The following LORICRIN variants were observed in gnomAD, a reference collection of about 807,000 sequenced individuals.
LORICRIN encodes loricrin cornified envelope precursor protein.
In LORICRIN, 5 loss-of-function variants were observed where a neutral mutation model predicts 3.3. The observed-to-expected ratio is 1.52, with a 90% CI of 0.79 to 3.19. The LOEUF is 3.19. Ranked by LOEUF, LORICRIN falls within the 30% of genes most tolerant of loss-of-function variation. The pLI is 0.00. For missense variants in LORICRIN, 524 were observed against 460.2 expected (o/e 1.14, Z -1.27); for synonymous variants, 237 against 231.4 (o/e 1.02, Z -0.22).
rs760833809 is a variant in LORICRIN at position 153,261,139 on chromosome 1, T to G, written c.190T>G (p.Cys64Gly). The change falls in exon 2 of 2, where the codon TGC becomes GGC. Residue 64 changes from cysteine to glycine, a missense_variant. By Grantham distance (159) the Cys-to-Gly change is radical (BLOSUM62 -3). Transcript: ENST00000368742. ...CGGCGGTGGCTACTCTGGCGGCGGC[T>G]GCGGCGGGGGCTCCTCCGGCGGCGG... ...SGGGGYSGGG[C>G]GGGSSGGGGG... 28 of 1,301,542 alleles carry G rather than the reference T, an allele frequency of 2.2e-5. 1 individual carries two copies. In the South Asian group the frequency reaches 5.5e-4, roughly 25 times the overall value. 80.6% of individuals were successfully genotyped at this position (1,301,542 alleles called of 1,614,324 possible).
chr1:153,262,094 C>A lies in LORICRIN; in HGVS notation c.*206C>A. On this transcript the variant is annotated 3_prime_UTR_variant, in exon 2 of 2. Transcript: ENST00000368742. ...TACAACTACCTCCCAACCCCAGTGC[C>A]TCAGTCAATAAATTTGCAAATTCAT... 1 of 635,888 alleles carries A rather than the reference C, an allele frequency of 1.6e-6. No individual in the cohort carries two copies. Among genetic ancestry groups the A allele is most frequent in the African/African-American group, 1.8e-5 (1 of 54,068 alleles). 39.4% of individuals were successfully genotyped at this position (635,888 alleles called of 1,614,324 possible). A position where few individuals can be genotyped will look rare whatever the true frequency, so the allele number is the denominator to read the frequency against.
At position 153,261,744 on chromosome 1, in the gene LORICRIN, C is replaced by A. The variant is rs776311035; in HGVS notation, c.795C>A (p.Ile265=). 1 of 1,591,770 alleles carries A rather than the reference C, an allele frequency of 6.3e-7. No individual in the cohort carries two copies. Among genetic ancestry groups the A allele is most frequent in the Admixed American group, 1.7e-5 (1 of 58,462 alleles). ...CCGGGATTGGCAGCGGCTGCATCATCAGTGGCGGGGGCTCCGTCTGCGGAG... is the reference window on the plus strand; with the variant it reads ...CCGGGATTGGCAGCGGCTGCATCATAAGTGGCGGGGGCTCCGTCTGCGGAG... ...GSSGIGSGCI[I]SGGGSVCGGG... Residue 265 remains isoleucine (I), a synonymous_variant, in exon 2 of 2, where the codon ATC becomes ATA. Transcript: ENST00000368742.
chr1:153,261,751 G>T lies in LORICRIN; in HGVS notation c.802G>T (p.Gly268Trp), dbSNP rs533207246. The change falls in exon 2 of 2, where the codon GGG becomes TGG. Residue 268 changes from glycine to tryptophan, a missense_variant. Physicochemically the swap from Gly to Trp is radical, Grantham distance 184. Transcript: ENST00000368742. ...GIGSGCIISG[G>W]GSVCGGGSSG... is the part of the protein sequence containing the mutation. ...TGGCAGCGGCTGCATCATCAGTGGC[G>T]GGGGCTCCGTCTGCGGAGGTGGTTC... is the stretch of plus-strand genomic sequence containing the variant. 7 of 1,575,714 alleles carry T rather than the reference G, an allele frequency of 4.4e-6. No individual in the cohort carries two copies. The South Asian group carries it at 5.7e-5, about 13-fold the overall frequency.
Position 153,261,962 on chromosome 1 carries a change from T to G in LORICRIN, c.*74T>G. 1.4e-6 allele frequency: 2 copies of G among 1,461,348 alleles called. No homozygotes were observed. Among genetic ancestry groups the G allele is most frequent in the Non-Finnish European group, 1.9e-6 (2 of 1,060,042 alleles). The allele number at this position is 1,461,348 out of a possible 1,614,324, so 90.5% of individuals were successfully genotyped here. ...GGCACCGATGGGCTTAGAGCTCTCA[T>G]GATGCTACCCGAGGTTTGCAAATCC... On this transcript the variant is annotated 3_prime_UTR_variant, in exon 2 of 2. Transcript: ENST00000368742.
chr1:153,261,447 C>CGGCGGCTCCTCCGGG lies in LORICRIN; in HGVS notation c.508_522dup (p.Ser170_Ser174dup), dbSNP rs1658786339. On this transcript the variant is annotated inframe_insertion, in exon 2 of 2. Transcript: ENST00000368742. ...GCCAGAGCTACGGAGGCGTCTCTAG[C>CGGCGGCTCCTCCGGG]GGCGGCTCCTCCGGGGGCGGCTCCG... 1 of 1,500,418 alleles carries CGGCGGCTCCTCCGGG rather than the reference C, an allele frequency of 6.7e-7. No homozygotes were observed. Among genetic ancestry groups the CGGCGGCTCCTCCGGG allele is most frequent in the Non-Finnish European group, 8.8e-7 (1 of 1,132,680 alleles). The allele number at this position is 1,500,418 out of a possible 1,614,324, so 92.9% of individuals were successfully genotyped here. A position where few individuals can be genotyped will look rare whatever the true frequency, so the allele number is the denominator to read the frequency against.
Position 153,261,518 on chromosome 1 carries a change from C to G in LORICRIN, c.569C>G (p.Ser190Cys), listed in dbSNP as rs1557795734. ...GGCGGCGGCTCTGTCTGCGGCTACT[C>G]TGGCGGCGGCTCTGGCTGCGGCGGA... Reference protein sequence around the residue: ...GGGGGSVCGYSGGGSGCGGGS... With the variant: ...GGGGGSVCGYCGGGSGCGGGS... The change falls in exon 2 of 2, where the codon TCT (serine) becomes TGT (cysteine). Residue 190 changes from serine (S) to cysteine (C), a missense_variant. By Grantham distance (112) the Ser-to-Cys change is moderately radical. Transcript: ENST00000368742. 1 of 1,497,876 alleles carries G rather than the reference C, an allele frequency of 6.7e-7. No individual in the cohort carries two copies. Among genetic ancestry groups the G allele is most frequent in the Non-Finnish European group, 8.8e-7 (1 of 1,130,094 alleles). 92.8% of individuals were successfully genotyped at this position (1,497,876 alleles called of 1,614,324 possible).
At position 153,261,328 on chromosome 1, in the gene LORICRIN, G is replaced by C; in HGVS notation, c.379G>C (p.Gly127Arg). ...GGGGSSGGGS[G>R]CFSSGGGGSS... ...CGGCGGCTCCTCCGGGGGCGGCTCC[G>C]GCTGCTTCTCCAGCGGTGGGGGCGG... is the stretch of plus-strand genomic sequence containing the variant. Residue 127 changes from glycine to arginine, a missense_variant, in exon 2 of 2, where the codon GGC becomes CGC. Gly to Arg is a moderately radical substitution (Grantham distance 125, BLOSUM62 -2). Transcript: ENST00000368742. 1 of 1,456,600 alleles carries C rather than the reference G, an allele frequency of 6.9e-7. No homozygotes were observed. The highest frequency in any genetic ancestry group is 2.5e-5 in the Admixed American group (1 of 40,260). The allele number at this position is 1,456,600 out of a possible 1,614,324, so 90.2% of individuals were successfully genotyped here.
Position 153,259,970 on chromosome 1 carries a change from G to A in LORICRIN, c.-24+237G>A, listed in dbSNP as rs377537714. Among the ~76,000 whole-genome samples the A allele has an allele frequency of 1.2e-4, 18 of 152,288 alleles. No homozygotes were observed. The East Asian group carries it at 2.9e-3, about 25-fold the overall frequency. ...CTCCACAAAGACAAGACTATCTCCT[G>A]CCTCTCTGGCACCCGCATAGGGGCA... is the stretch of plus-strand genomic sequence containing the variant. On this transcript the variant is annotated intron_variant, in intron 1 of 1. Coordinates refer to ENST00000368742, the MANE Select transcript of LORICRIN (RefSeq NM_000427.3).
At position 153,261,405 on chromosome 1, in the gene LORICRIN, G is replaced by T. The variant is rs1273657847; in HGVS notation, c.456G>T (p.Ser152=). The T allele has an allele frequency of 3.5e-6, 5 of 1,423,232 alleles. No individual in the cohort carries two copies. The East Asian group carries it at 1.2e-4, about 35-fold the overall frequency. 88.2% of individuals were successfully genotyped at this position (1,423,232 alleles called of 1,614,324 possible). The change falls in exon 2 of 2, where the codon TCG becomes TCT. Residue 152 remains serine, a synonymous_variant. Transcript: ENST00000368742. ...TCTCCTCCGGCGGCGGCGGCTTCTC[G>T]GGCCAGGCGGTCCAGTGCCAGAGCT... ...GCFSSGGGGF[S]GQAVQCQSYG...
rs768452967 is a variant in LORICRIN at position 153,261,804 on chromosome 1, C to T, written c.855C>T (p.Ser285=). The T allele has an allele frequency of 1.2e-6, 2 of 1,609,056 alleles. No homozygotes were observed. Among genetic ancestry groups the T allele is most frequent in the South Asian group, 2.2e-5 (2 of 90,458 alleles). Residue 285 remains serine (S), a synonymous_variant, in exon 2 of 2, where the codon TCC becomes TCT. Transcript: ENST00000368742. Reference sequence around the variant, plus strand: ...CTGGAGGCGGCGGCGGCGGCTCCTCCGTGGGTGGCTCCGGGAGTGGCAAGG... The same window carrying T: ...CTGGAGGCGGCGGCGGCGGCTCCTCTGTGGGTGGCTCCGGGAGTGGCAAGG... The part of the protein sequence containing the change: ...GSSGGGGGGS[S]VGGSGSGKGV...
chr1:153,260,098 A>T (rs1658728049), intron 1 of LORICRIN, among the ~76,000 whole-genome samples: 1 of 152,138 alleles, frequency 6.6e-6, no homozygotes, highest in African/African-American at 2.4e-5. Flanking sequence ...AGGCTGAGCC[A>T]CTCTCAAGAG....
At chr1:153,260,131 A>C (rs1252710527) in intron 1 of LORICRIN, among the ~76,000 whole-genome samples, 2 of 152,180 alleles carry the variant, frequency 1.3e-5, no homozygotes, top group Non-Finnish European at 2.9e-5. Flanking sequence ...GATCCAAAAA[A>C]GTTGCAGATG....
Position 153,261,223 on chromosome 1 carries a change from G to C in LORICRIN, c.274G>C (p.Gly92Arg). The C allele has an allele frequency of 7.4e-7, 1 of 1,359,598 alleles. No homozygotes were observed. The highest frequency in any genetic ancestry group is 9.4e-7 in the Non-Finnish European group (1 of 1,058,226). 84.2% of individuals were successfully genotyped at this position (1,359,598 alleles called of 1,614,324 possible). ...CTCCGGTGGGAGCGTCAAGTACTCC[G>C]GAGGCGGCGGCTCCTCCGGCGGGGG... ...GGSGGSVKYSGGGGSSGGGSG... is the reference protein window; with the variant it reads ...GGSGGSVKYSRGGGSSGGGSG... Residue 92 changes from glycine to arginine, a missense_variant, in exon 2 of 2, where the codon GGA (glycine) becomes CGA (arginine). Physicochemically the swap from Gly to Arg is moderately radical, Grantham distance 125. Coordinates refer to ENST00000368742, the MANE Select transcript of LORICRIN (RefSeq NM_000427.3).
At position 153,261,515 on chromosome 1, in the gene LORICRIN, A is replaced by ACTCTTGCGGCGG; in HGVS notation, c.570_571insTGCGGCGGCTCT (p.Ser190_Gly191insCysGlyGlySer). On this transcript the variant is annotated inframe_insertion, in exon 2 of 2. Transcript: ENST00000368742. ...GGGGGCGGCGGCTCTGTCTGCGGCT[A>ACTCTTGCGGCGG]CTCTGGCGGCGGCTCTGGCTGCGGC... 6.7e-7 allele frequency: 1 copy of ACTCTTGCGGCGG among 1,496,406 alleles called. No homozygotes were observed. The allele number at this position is 1,496,406 out of a possible 1,614,324, so 92.7% of individuals were successfully genotyped here. A position where few individuals can be genotyped will look rare whatever the true frequency, so the allele number is the denominator to read the frequency against.
Position 153,261,166 on chromosome 1 carries a change from G to A in LORICRIN, c.217G>A (p.Gly73Ser). The change falls in exon 2 of 2, where the codon GGC (glycine) becomes AGC (serine). Residue 73 changes from glycine (G) to serine (S), a missense_variant. By Grantham distance (56) the Gly-to-Ser change is moderately conservative (BLOSUM62 0). Transcript: ENST00000368742. ...CGGCGGGGGCTCCTCCGGCGGCGGG[G>A]GCGGGGGCGGCATTGGAGGCTGCGG... is the stretch of plus-strand genomic sequence containing the variant. Reference protein sequence around the residue: ...GCGGGSSGGGGGGGIGGCGGG... With the variant: ...GCGGGSSGGGSGGGIGGCGGG... 1 of 1,337,488 alleles carries A rather than the reference G, an allele frequency of 7.5e-7. No homozygotes were observed. The highest frequency in any genetic ancestry group is 3.1e-5 in the East Asian group (1 of 32,500). The allele number at this position is 1,337,488 out of a possible 1,614,324, so 82.9% of individuals were successfully genotyped here. A position where few individuals can be genotyped will look rare whatever the true frequency, so the allele number is the denominator to read the frequency against.
rs759891189 is a variant in LORICRIN, at chr1:153,261,061, G to C, written c.112G>C (p.Gly38Arg). 4 of 1,510,670 alleles carry C rather than the reference G, an allele frequency of 2.6e-6. No homozygotes were observed. Among genetic ancestry groups the C allele is most frequent in the East Asian group, 2.5e-5 (1 of 39,978 alleles). The allele number at this position is 1,510,670 out of a possible 1,614,324, so 93.6% of individuals were successfully genotyped here. A position where few individuals can be genotyped will look rare whatever the true frequency, so the allele number is the denominator to read the frequency against. The change falls in exon 2 of 2, where the codon GGC (glycine) becomes CGC (arginine). Residue 38 changes from glycine to arginine, a missense_variant. Gly to Arg is a moderately radical substitution (Grantham distance 125). Transcript: ENST00000368742. ...GSGGGGCGFF[G>R]GGGSGGGSSG... Reference sequence around the variant, plus strand: ...CGGCGGTGGTGGCTGCGGCTTCTTCGGCGGCGGCGGCTCAGGGGGCGGTAG... The same window carrying C: ...CGGCGGTGGTGGCTGCGGCTTCTTCCGCGGCGGCGGCTCAGGGGGCGGTAG...
At position 153,261,541 on chromosome 1, in the gene LORICRIN, G is replaced by A. The variant is rs1417989417; in HGVS notation, c.592G>A (p.Gly198Arg). 3.1e-6 allele frequency: 2 copies of A among 650,200 alleles called. No individual in the cohort carries two copies. The highest frequency in any genetic ancestry group is 3.1e-5 in the African/African-American group (1 of 31,768). 40.3% of individuals were successfully genotyped at this position (650,200 alleles called of 1,614,324 possible). Residue 198 changes from glycine to arginine, a missense_variant, in exon 2 of 2, where the codon GGA becomes AGA. Physicochemically the swap from Gly to Arg is moderately radical, Grantham distance 125 (BLOSUM62 -2). Transcript: ENST00000368742. ...CTCTGGCGGCGGCTCTGGCTGCGGC[G>A]GAGGCTCCTCTGGCGGCAGCGGCTC... ...GYSGGGSGCG[G>R]GSSGGSGSGY...
chr1:153,260,457 C>A (rs1658736052), intron 1 of LORICRIN, among the ~76,000 whole-genome samples: 1 of 152,136 alleles, frequency 6.6e-6, no homozygotes, highest in Non-Finnish European at 1.5e-5. Context: ...GTGCAACAGC[C>A]CTCAATAGAA....
At position 153,261,198 on chromosome 1, in the gene LORICRIN, C is replaced by T; in HGVS notation, c.249C>T (p.Gly83=). 2 of 1,347,178 alleles carry T rather than the reference C, an allele frequency of 1.5e-6. No individual in the cohort carries two copies. The highest frequency in any genetic ancestry group is 6.2e-5 in the East Asian group (2 of 32,320). 83.5% of individuals were successfully genotyped at this position (1,347,178 alleles called of 1,614,324 possible). ...GCGGCATTGGAGGCTGCGGAGGGGG[C>T]TCCGGTGGGAGCGTCAAGTACTCCG... is the stretch of plus-strand genomic sequence containing the variant. ...GGGGIGGCGG[G]SGGSVKYSGG... The change falls in exon 2 of 2, where the codon GGC becomes GGT. Residue 83 remains glycine (G), a synonymous_variant. Coordinates refer to ENST00000368742, the MANE Select transcript of LORICRIN (RefSeq NM_000427.3).
Sources: gnomAD v4.1 joint callset for allele counts (sites outside exome capture counted in the v4.1 genomes callset) on GRCh38, gnomAD v4.1.1 for gene constraint, MANE v1.5 for transcripts, NCBI Gene and HGNC (gene_info 2026-07-23, HGNC 2026-07-21) for gene names.